The following SLCO3A1 variants were observed in gnomAD, a reference collection of about 807,000 sequenced individuals.
SLCO3A1 encodes the protein solute carrier organic anion transporter family member 3A1, also known as PGE1 transporter.
SLCO3A1 carries 27 observed loss-of-function variants against 63.1 expected under a neutral mutation model. The observed-to-expected ratio is 0.43, with a 90% CI of 0.32 to 0.59. SLCO3A1 has a LOEUF of 0.59. Ranked by LOEUF, SLCO3A1 falls within the 20% of genes least tolerant of loss-of-function variation. The pLI, the probability that SLCO3A1 is intolerant of heterozygous loss-of-function variation, is 0.09. For missense variants in SLCO3A1, 773 were observed against 945.8 expected, an observed-to-expected ratio of 0.82 and a Z score of 2.40; for synonymous variants, 473 against 409.9, an observed-to-expected ratio of 1.15 and a Z score of -1.86.
At chr15:91,938,776 G>A (rs1344643452) in intron 2 of SLCO3A1, among the ~76,000 whole-genome samples, 1 of 152,182 alleles carries the variant, frequency 6.6e-6, no homozygotes. Flanking sequence ...TGACACTTTT[G>A]AAATTTCTAG....
At chr15:92,160,728 A>T (rs781221050) in intron 9 of SLCO3A1, among the ~76,000 whole-genome samples, 6 of 152,122 alleles carry the variant, frequency 3.9e-5, no homozygotes, top group Non-Finnish European at 7.3e-5. Context: ...AGCTCTGCCA[A>T]GCTCATTAGC....
intron 2 of SLCO3A1, among the ~76,000 whole-genome samples, chr15:91,965,817 G>C (rs16946170): frequency 0.035 from 5,268 of 152,040 alleles, 187 homozygotes; most frequent in African/African-American, 0.088. Flanking sequence ...TCTACTGCCA[G>C]AATGTACTCC....
rs1448723873 is a variant in SLCO3A1 at position 91,912,891 on chromosome 15, C to T, written c.181-3102C>T. ...AGGCCTGGGCGAGGCTCCCCAAAGC[C>T]CCCTACCTCCCAGGTCTTTAGGCTG... On this transcript the variant is annotated intron_variant, in intron 1 of 9. Coordinates refer to ENST00000318445, the MANE Select transcript of SLCO3A1 (RefSeq NM_013272.4). This position sits in a 1 kb window ranked among gnomAD's most constrained non-coding sequence, Gnocchi z 5.0. 1.3e-5 allele frequency among the ~76,000 whole-genome samples: 2 copies of T among 152,198 alleles called. No homozygotes were observed. The highest frequency in any genetic ancestry group is 4.8e-5 in the African/African-American group (2 of 41,452).
intron 2 of SLCO3A1, among the ~76,000 whole-genome samples, chr15:92,086,272 C>A (rs1364150773): frequency 6.6e-6 from 1 of 152,194 alleles, no homozygotes; most frequent in Non-Finnish European, 1.5e-5. Context: ...GCTTCAGATC[C>A]TTGCCAACAC....
rs1276823723 is a variant in SLCO3A1, at chr15:92,059,750, C to A, written c.647-35131C>A. Among the ~76,000 whole-genome samples, 5 of 152,332 alleles carry A rather than the reference C, an allele frequency of 3.3e-5. No homozygotes were observed. In the South Asian group the frequency reaches 1.0e-3, roughly 32 times the overall value. ...TCCTTTAGCACAGAAGACCCTGTGA[C>A]CTCATCAGACCAGCATTGCTGCCCA... is the stretch of plus-strand genomic sequence containing the variant. On this transcript the variant is annotated intron_variant, in intron 2 of 9. Transcript: ENST00000318445.
rs1308181988 is a variant in SLCO3A1 at position 91,882,910 on chromosome 15, G to T, written c.180+28822G>T. Reference sequence around the variant, plus strand: ...TTCCTTGCAATTAGGTATCACCTTGGTGTCCCAAAGAGATGTAATATCACC... The same window carrying T: ...TTCCTTGCAATTAGGTATCACCTTGTTGTCCCAAAGAGATGTAATATCACC... On this transcript the variant is annotated intron_variant, in intron 1 of 9. Coordinates refer to ENST00000318445, the MANE Select transcript of SLCO3A1 (RefSeq NM_013272.4). This position sits in a 1 kb window ranked among gnomAD's most constrained non-coding sequence, Gnocchi z 4.4. Among the ~76,000 whole-genome samples, 2 of 151,548 alleles carry T rather than the reference G, an allele frequency of 1.3e-5. No individual in the cohort carries two copies. Among genetic ancestry groups the T allele is most frequent in the South Asian group, 2.1e-4 (1 of 4,792 alleles).
chr15:92,076,592 G>T (rs1480954668), intron 2 of SLCO3A1, among the ~76,000 whole-genome samples: 1 of 152,094 alleles, frequency 6.6e-6, no homozygotes, highest in East Asian at 1.9e-4. Flanking sequence ...CACCCACTCT[G>T]CCCCCAGAGC....
intron 2 of SLCO3A1, among the ~76,000 whole-genome samples, chr15:91,930,772 A>ACAT (rs1286116326): frequency 1.3e-5 from 2 of 151,830 alleles, no homozygotes; most frequent in African/African-American, 4.8e-5. Context: ...TAAGTTCTTG[A>ACAT]CATATATTAT....
At chr15:91,980,144 C>T (rs1396122536) in intron 2 of SLCO3A1, among the ~76,000 whole-genome samples, 3 of 152,156 alleles carry the variant, frequency 2.0e-5, no homozygotes, top group Admixed American at 1.3e-4. Context: ...CAAGTCCTCT[C>T]GGCCTCAGCT....
At chr15:91,994,168 CA>C (rs1167046113) in intron 2 of SLCO3A1, among the ~76,000 whole-genome samples, 3 of 152,168 alleles carry the variant, frequency 2.0e-5, no homozygotes, top group Non-Finnish European at 4.4e-5. Context: ...ATAACTAATA[CA>C]TAGTCTTTAT....
At chr15:91,966,370 T>A (rs765346854) in intron 2 of SLCO3A1, among the ~76,000 whole-genome samples, 1 of 152,122 alleles carries the variant, frequency 6.6e-6, no homozygotes, top group Non-Finnish European at 1.5e-5. Flanking sequence ...AGCTCAGATT[T>A]TAGCTGACGA....
intron 2 of SLCO3A1, among the ~76,000 whole-genome samples, chr15:91,919,665 C>G (rs764661596): frequency 6.6e-6 from 1 of 152,132 alleles, no homozygotes; most frequent in Non-Finnish European, 1.5e-5. Context: ...TTCTGTTTCT[C>G]TAAGTTCAGA....
At position 91,967,025 on chromosome 15, in the gene SLCO3A1, C is replaced by A. The variant is rs1196199383; in HGVS notation, c.646+50567C>A. On this transcript the variant is annotated intron_variant, in intron 2 of 9. Coordinates refer to ENST00000318445, the MANE Select transcript of SLCO3A1 (RefSeq NM_013272.4). This position sits in a 1 kb window ranked among gnomAD's most constrained non-coding sequence, Gnocchi z 4.4. ...TTTTGACAGCAAGAGAGATGAGATA[C>A]AATTTGTATTTTTGAACTCTGCTTT... is the stretch of plus-strand genomic sequence containing the variant. Among the ~76,000 whole-genome samples, 1 of 151,576 alleles carries A rather than the reference C, an allele frequency of 6.6e-6. No individual in the cohort carries two copies. The highest frequency in any genetic ancestry group is 1.5e-5 in the Non-Finnish European group (1 of 67,890).
In SLCO3A1 at chr15:92,163,471, C is replaced by T; in HGVS notation, c.*336C>T. The T allele has an allele frequency of 2.9e-6, 3 of 1,032,226 alleles. No homozygotes were observed. The highest frequency in any genetic ancestry group is 3.5e-6 in the Non-Finnish European group (3 of 861,566). 63.9% of individuals were successfully genotyped at this position (1,032,226 alleles called of 1,614,324 possible). On this transcript the variant is annotated 3_prime_UTR_variant, in exon 10 of 10. Transcript: ENST00000318445. ...AAATTCAGGGAACAGTGGTGGCCAG[C>T]TTGGAGGATGGACATTTCTGGATAC...
intron 6 of SLCO3A1, among the ~76,000 whole-genome samples, chr15:92,127,661 C>T (rs868407886): frequency 2.6e-5 from 4 of 152,226 alleles, no homozygotes; most frequent in Non-Finnish European, 5.9e-5. Context: ...AATACACTCA[C>T]TCTACCCTTT....
intron 5 of SLCO3A1, among the ~76,000 whole-genome samples, chr15:92,122,655 T>A (rs1167600369): frequency 6.6e-6 from 1 of 152,248 alleles, no homozygotes; most frequent in Non-Finnish European, 1.5e-5. Flanking sequence ...TCTGGTCATC[T>A]GTCCAACAGA....
In SLCO3A1 at chr15:91,900,307, A is replaced by G. The variant is rs993375576; in HGVS notation, c.181-15686A>G. Among the ~76,000 whole-genome samples, 7 of 152,112 alleles carry G rather than the reference A, an allele frequency of 4.6e-5. No homozygotes were observed. The highest frequency in any genetic ancestry group is 1.7e-4 in the African/African-American group (7 of 41,428). ...TTCCAGTTTCCTCAGATGGACGTGAATACTTTGTATTGTCTGTTCGTTTGT... is the reference window on the plus strand; with the variant it reads ...TTCCAGTTTCCTCAGATGGACGTGAGTACTTTGTATTGTCTGTTCGTTTGT... On this transcript the variant is annotated intron_variant, in intron 1 of 9. Coordinates refer to ENST00000318445, the MANE Select transcript of SLCO3A1 (RefSeq NM_013272.4). The surrounding 1 kb of genome is among the most constrained non-coding windows in gnomAD (Gnocchi z 4.3).
rs55767332 is a variant in SLCO3A1, at chr15:91,950,636, T to C, written c.646+34178T>C. Among the ~76,000 whole-genome samples, 11,404 of 152,292 alleles carry C rather than the reference T, an allele frequency of 0.075. 1,146 individuals are homozygous for C. Among genetic ancestry groups the C allele is most frequent in the African/African-American group, 0.23 (9,526 of 41,514 alleles). On this transcript the variant is annotated intron_variant, in intron 2 of 9. Coordinates refer to ENST00000318445, the MANE Select transcript of SLCO3A1 (RefSeq NM_013272.4). This position sits in a 1 kb window ranked among gnomAD's most constrained non-coding sequence, Gnocchi z 4.4. The stretch of plus-strand genomic sequence containing the variant: ...AATTTCTCTTCAATTTCTCATGCAC[T>C]GCATCTTCCCGCTGTTTATTTAATG...
chr15:92,146,923 G>A, intron 7 of SLCO3A1, 61 bp from the exon 8 acceptor site: 1 of 1,471,756 alleles, frequency 6.8e-7, no homozygotes, highest in Non-Finnish European at 9.2e-7. Context: ...GCTGATGGAT[G>A]GCTTTGCCTT....
Sources: allele counts gnomAD v4.1 joint callset (sites outside exome capture counted in the v4.1 genomes callset), GRCh38; gene constraint gnomAD v4.1.1; non-coding constraint Gnocchi (gnomAD v3.1); transcripts MANE v1.5; gene names NCBI Gene and HGNC (gene_info 2026-07-23, HGNC 2026-07-21).